Variants in CRHBP observed in about 807,000 individuals in gnomAD.
CRHBP encodes the protein corticotropin-releasing hormone-binding protein.
In CRHBP, 19 loss-of-function variants were observed where a neutral mutation model predicts 34.9. The ratio of observed to expected loss-of-function variants is 0.55; its 90% confidence interval spans 0.38 to 0.80. The LOEUF is 0.80. Ranked by LOEUF, CRHBP falls within the 30% of genes least tolerant of loss-of-function variation. The probability of loss-of-function intolerance (pLI) is 0.00; values close to 1 mark genes in which losing one functional copy is unlikely to be tolerated. For synonymous variants in CRHBP, 154 were observed against 153.4 expected, an observed-to-expected ratio of 1.00 and a Z score of -0.03; for missense variants, 328 against 409.2, an observed-to-expected ratio of 0.80 and a Z score of 1.71.
At chr5:76,980,187 G>A (rs1466940590) in intron 3 of CRHBP, among the ~76,000 whole-genome samples, 6 of 149,844 alleles carry the variant, frequency 4.0e-5, no homozygotes, top group East Asian at 4.0e-4. Flanking sequence ...CCCGGGAGGC[G>A]GAGCTTGCAG....
intron 6 of CRHBP, among the ~76,000 whole-genome samples, chr5:76,967,990 C>G (rs1056953893): frequency 5.9e-5 from 9 of 151,978 alleles, no homozygotes; most frequent in Middle Eastern, 3.4e-3. Context: ...AGCCACCGTG[C>G]CCAGCTGAAT....
intron 4 of CRHBP, 148 bp downstream of exon 4, chr5:76,956,011 C>A: frequency 1.5e-6 from 1 of 659,180 alleles, no homozygotes; most frequent in Non-Finnish European, 2.6e-6. Flanking sequence ...AGGATAGTTT[C>A]TATTCTTTAT....
At position 76,962,047 on chromosome 5, in the gene CRHBP, C is replaced by G. The variant is rs181404618; in HGVS notation, c.694-1296C>G. Among the ~76,000 whole-genome samples the G allele has an allele frequency of 4.4e-4, 67 of 152,298 alleles. 1 individual carries two copies. The highest frequency in any genetic ancestry group is 1.5e-3 in the African/African-American group (64 of 41,566). ...GGAATTACAGGCGTGAGCCACCATG[C>G]TGGTCAGTGCCCTTCTAAATGCCTG... On this transcript the variant is annotated intron_variant, in intron 5 of 6. Coordinates refer to ENST00000274368, the MANE Select transcript of CRHBP (RefSeq NM_001882.4).
chr5:76,976,043 C>T (rs1431832526), intron 2 of CRHBP, among the ~76,000 whole-genome samples: 1 of 150,652 alleles, frequency 6.6e-6, no homozygotes, highest in Non-Finnish European at 1.5e-5. Context: ...AAAAGCCAAT[C>T]CCTTCACCCA....
chr5:76,967,823 C>T (rs973090550), intron 6 of CRHBP, among the ~76,000 whole-genome samples: 2 of 151,756 alleles, frequency 1.3e-5, no homozygotes, highest in Non-Finnish European at 2.9e-5. Context: ...CTCAGCCTCC[C>T]GAGTAGCTGG....
downstream of CRHBP, among the ~76,000 whole-genome samples, chr5:76,974,062 G>C (rs369210666): frequency 1.3e-4 from 19 of 151,784 alleles, no homozygotes; most frequent in East Asian, 3.7e-3. Context: ...GCATGATCTT[G>C]GCTCACTGCA....
At chr5:76,954,964 TA>T (rs1745645969) in intron 3 of CRHBP, among the ~76,000 whole-genome samples, 1 of 152,226 alleles carries the variant, frequency 6.6e-6, no homozygotes, top group African/African-American at 2.4e-5. Context: ...GTAATTTTGC[TA>T]ATGTGGACTA....
chr5:76,973,982 GTTATTATTATTA>G (rs112354774), downstream of CRHBP, among the ~76,000 whole-genome samples: 3 of 147,140 alleles, frequency 2.0e-5, no homozygotes, highest in African/African-American at 5.0e-5. Context: ...TTTCTAAATC[GTTATTATTATTA>G]TTATTATTAT....
intron 5 of CRHBP, among the ~76,000 whole-genome samples, chr5:76,962,695 T>G (rs1044095485): frequency 2.0e-5 from 3 of 152,002 alleles, no homozygotes; most frequent in African/African-American, 7.2e-5. Context: ...ATGAATTCTT[T>G]TGAGTAGCTT....
At chr5:76,980,448 T>A (rs542740050) in intron 3 of CRHBP, among the ~76,000 whole-genome samples, 1 of 152,274 alleles carries the variant, frequency 6.6e-6, no homozygotes, top group South Asian at 2.1e-4. Context: ...TGGTCCTTAT[T>A]TCTTTGTCGA....
intron 5 of CRHBP, among the ~76,000 whole-genome samples, chr5:76,960,814 G>A (rs1664142020): frequency 6.6e-6 from 1 of 151,866 alleles, no homozygotes; most frequent in African/African-American, 2.4e-5. Context: ...GCCCAGGCTG[G>A]AGTGCAGACA....
intron 6 of CRHBP, among the ~76,000 whole-genome samples, chr5:76,966,790 T>C (rs1745866443): frequency 6.6e-6 from 1 of 152,184 alleles, no homozygotes; most frequent in South Asian, 2.1e-4. Flanking sequence ...CCTGAGTTGT[T>C]CAGTGTTGAA....
At chr5:76,969,979 GCT>G (rs1176593959), downstream of CRHBP, among the ~76,000 whole-genome samples, 1 of 116,408 alleles carries the variant, frequency 8.6e-6, no homozygotes, top group Non-Finnish European at 1.6e-5. Context: ...GACAGTCTTG[GCT>G]CTGTCACCTA....
chr5:76,963,916 T>G (rs1464994102), intron 6 of CRHBP, among the ~76,000 whole-genome samples: 1 of 152,214 alleles, frequency 6.6e-6, no homozygotes, highest in Non-Finnish European at 1.5e-5. Context: ...GTGATAAGCT[T>G]TATTAGAAAT....
At chr5:76,955,591 C>G (rs367906680) in intron 3 of CRHBP, 62 bp from the exon 4 acceptor site, 1 of 1,495,664 alleles carries the variant, frequency 6.7e-7, no homozygotes, top group African/African-American at 1.4e-5. Flanking sequence ...CCCTTTTCAA[C>G]TCATTTCAGA....
Position 76,953,509 on chromosome 5 carries a change from A to G in CRHBP, c.82-92A>G, listed in dbSNP as rs142481588. ...CATTACCCCTCTCTCTTTATTCGCT[A>G]TGCTGAGTGGCAGGGAGGGTGCCCC... On this transcript the variant is annotated intron_variant, in intron 1 of 6. Transcript: ENST00000274368. The G allele has an allele frequency of 5.9e-5, 73 of 1,233,654 alleles. No individual in the cohort carries two copies. The African/African-American group carries it at 9.7e-4, about 16-fold the overall frequency. 76.4% of individuals were successfully genotyped at this position (1,233,654 alleles called of 1,614,324 possible). A position where few individuals can be genotyped will look rare whatever the true frequency, so the allele number is the denominator to read the frequency against.
chr5:76,961,567 A>G lies in CRHBP; in HGVS notation c.694-1776A>G, dbSNP rs531995352. On this transcript the variant is annotated intron_variant, in intron 5 of 6. Transcript: ENST00000274368. ...TGGGGCTAATTAAACCTCTTTCATC[A>G]TTTGATGCAATTATGTATAAAGCCT... is the stretch of plus-strand genomic sequence containing the variant. 3.3e-5 allele frequency among the ~76,000 whole-genome samples: 5 copies of G among 152,290 alleles called. 1 individual carries two copies. Among genetic ancestry groups the G allele is most frequent in the African/African-American group, 9.6e-5 (4 of 41,570 alleles).
downstream of CRHBP, among the ~76,000 whole-genome samples, chr5:76,972,539 C>G (rs1389367016): frequency 1.3e-5 from 2 of 152,056 alleles, no homozygotes; most frequent in African/African-American, 4.8e-5. Flanking sequence ...ACTATGTTGC[C>G]CAAGCTGGTC....
chr5:76,961,943 G>A (rs947157107), intron 5 of CRHBP, among the ~76,000 whole-genome samples: 3 of 151,964 alleles, frequency 2.0e-5, no homozygotes, highest in African/African-American at 7.3e-5. Flanking sequence ...TAGTGGAGAC[G>A]GGGTTTCACC....
Sources: gnomAD v4.1 joint callset for allele counts (sites outside exome capture counted in the v4.1 genomes callset) on GRCh38, gnomAD v4.1.1 for gene constraint, MANE v1.5 for transcripts, NCBI Gene and HGNC (gene_info 2026-07-23, HGNC 2026-07-21) for gene names.